KDM3A: variants seen among roughly 807,000 people sequenced by gnomAD.
KDM3A encodes lysine demethylase 3A.
Under a neutral mutation model 158.0 loss-of-function variants are expected in KDM3A, and 60 were observed. The ratio of observed to expected loss-of-function variants is 0.38; its 90% CI spans 0.31 to 0.47. KDM3A has a LOEUF of 0.47. KDM3A is among the 20% of genes least tolerant of loss of function. The pLI, the probability that KDM3A is intolerant of heterozygous loss-of-function variation, is 0.99. For missense variants in KDM3A, 1,319 were observed against 1,574.3 expected (o/e 0.84, Z 2.74); for synonymous variants, 608 against 549.3 (o/e 1.11, Z -1.49).
At chr2:86,457,874 C>T (rs1235030440) in intron 8 of KDM3A, among the ~76,000 whole-genome samples, 2 of 152,150 alleles carry the variant, frequency 1.3e-5, no homozygotes, top group Non-Finnish European at 2.9e-5. Flanking sequence ...GGTTCAGGTA[C>T]CAGATTTAAT....
rs753559236 is a variant in KDM3A at position 86,478,684 on chromosome 2, C to A, written c.2265C>A (p.Asn755Lys). 3 of 1,613,968 alleles carry A rather than the reference C, an allele frequency of 1.9e-6. No homozygotes were observed. The highest frequency in any genetic ancestry group is 2.5e-6 in the Non-Finnish European group (3 of 1,179,812). Residue 755 changes from asparagine (N) to lysine (K), a missense_variant, in exon 15 of 26, where the codon AAC becomes AAA. Around this residue, in one of 4 missense-constraint regions of KDM3A, gnomAD observed 368 missense variants for 415.8 expected, o/e 0.89. Transcript: ENST00000312912. ...WGIKANCPCS[N>K]RQFKLFSKPA... ...TAAAGGCAAACTGCCCTTGTTCAAA[C>A]AGGCAATTCAAACTCTTTTCAAAGC... is the stretch of plus-strand genomic sequence containing the variant.
rs746160047 is a variant in KDM3A, at chr2:86,449,936, G to C, written c.316G>C (p.Glu106Gln). ...TGAACGAAAGTCACCTGAAATTTCT[G>C]AACGAATTGTACAGTGGCCTGCAAT... ...LAERKSPEIS[E>Q]RIVQWPAITY... Residue 106 changes from glutamate to glutamine, a missense_variant, in exon 3 of 26, where the codon GAA becomes CAA. Physicochemically the swap from Glu to Gln is conservative, Grantham distance 29 (BLOSUM62 2). This residue lies in a region of KDM3A where 652 missense variants were observed against 627.2 expected (regional missense o/e 1.04). Coordinates refer to ENST00000312912, the MANE Select transcript of KDM3A (RefSeq NM_018433.6). 1 of 1,613,566 alleles carries C rather than the reference G, an allele frequency of 6.2e-7. No homozygotes were observed. Among genetic ancestry groups the C allele is most frequent in the South Asian group, 1.1e-5 (1 of 91,048 alleles).
chr2:86,491,552 G>C lies in KDM3A; in HGVS notation c.3885+277G>C, dbSNP rs923886841. The C allele has an allele frequency of 4.6e-5, 20 of 431,636 alleles. 1 individual carries two copies. The Admixed American group carries it at 5.5e-4, about 12-fold the overall frequency. The allele number at this position is 431,636 out of a possible 1,614,324, so 26.7% of individuals were successfully genotyped here. A position where few individuals can be genotyped will look rare whatever the true frequency, so the allele number is the denominator to read the frequency against. On this transcript the variant is annotated intron_variant, in intron 25 of 25. Transcript: ENST00000312912. ...CTGAAAATGAATAGATGTGACTTCT[G>C]ATCTTGGCCCAGCTGCCTGTCGGGG... is the stretch of plus-strand genomic sequence containing the variant.
intron 19 of KDM3A, 48 bp downstream of exon 19, chr2:86,484,206 GA>G (rs751829141): frequency 2.1e-5 from 31 of 1,472,426 alleles, no homozygotes; most frequent in Non-Finnish European, 2.8e-5. Flanking sequence ...GAAAGGAGGG[GA>G]CACAGGAATG....
intron 11 of KDM3A, among the ~76,000 whole-genome samples, chr2:86,470,679 G>GA (rs1673362160): frequency 6.6e-6 from 1 of 152,082 alleles, no homozygotes; most frequent in African/African-American, 2.4e-5. Context: ...CGAAGGTTCT[G>GA]AAAAACCACT....
Position 86,478,694 on chromosome 2 carries a change from A to G in KDM3A, c.2275A>G (p.Lys759Glu). The G allele has an allele frequency of 6.2e-7, 1 of 1,614,130 alleles. No homozygotes were observed. The highest frequency in any genetic ancestry group is 2.2e-5 in the East Asian group (1 of 44,876). ...CTGCCCTTGTTCAAACAGGCAATTC[A>G]AACTCTTTTCAAAGCCAGCCTCAAA... ...ANCPCSNRQF[K>E]LFSKPASKED... The change falls in exon 15 of 26, where the codon AAA (lysine) becomes GAA (glutamate). Residue 759 changes from lysine (K) to glutamate (E), a missense_variant. Coordinates refer to ENST00000312912, the MANE Select transcript of KDM3A (RefSeq NM_018433.6).
At chr2:86,445,504 C>CT (rs1339563244) in intron 2 of KDM3A, among the ~76,000 whole-genome samples, 2 of 152,106 alleles carry the variant, frequency 1.3e-5, no homozygotes, top group Non-Finnish European at 2.9e-5. Context: ...TTTCTTGAGT[C>CT]TAATGCCCTG....
At chr2:86,471,091 G>C (rs1019713579) in intron 11 of KDM3A, among the ~76,000 whole-genome samples, 2 of 152,042 alleles carry the variant, frequency 1.3e-5, no homozygotes, top group Non-Finnish European at 2.9e-5. Context: ...CAGGAAGGTC[G>C]CACCTGTGTC....
intron 18 of KDM3A, 42 bp downstream of exon 18, chr2:86,482,736 C>G (rs1194668226): frequency 6.3e-7 from 1 of 1,593,586 alleles, no homozygotes; most frequent in Non-Finnish European, 8.6e-7. Context: ...TCAGAACCCC[C>G]TTCTCAGTTC....
At chr2:86,461,219 C>G (rs1462512406) in intron 8 of KDM3A, among the ~76,000 whole-genome samples, 4 of 152,130 alleles carry the variant, frequency 2.6e-5, no homozygotes, top group Non-Finnish European at 5.9e-5. Flanking sequence ...GCTGTTGCCA[C>G]TGCTCTCCAA....
chr2:86,437,167 G>A (rs1028357213), upstream of KDM3A, among the ~76,000 whole-genome samples: 1 of 151,688 alleles, frequency 6.6e-6, no homozygotes. Context: ...TTGAGACAGA[G>A]TCTTGCTTCG....
intron 8 of KDM3A, among the ~76,000 whole-genome samples, chr2:86,459,718 T>C (rs575323014): frequency 1.3e-5 from 2 of 152,280 alleles, no homozygotes; most frequent in South Asian, 4.1e-4. Flanking sequence ...TAGACATATA[T>C]GATATGATCC....
In KDM3A at chr2:86,478,710, C is replaced by T; in HGVS notation, c.2291C>T (p.Pro764Leu). The change falls in exon 15 of 26, where the codon CCA (proline) becomes CTA (leucine). Residue 764 changes from proline to leucine, a missense_variant. By Grantham distance (98) the Pro-to-Leu change is moderately conservative. Transcript: ENST00000312912. ...AGGCAATTCAAACTCTTTTCAAAGC[C>T]AGCCTCAAAGGAAGACCTAAAACAG... Reference protein sequence around the residue: ...SNRQFKLFSKPASKEDLKQTS... With the variant: ...SNRQFKLFSKLASKEDLKQTS... 4 of 1,614,014 alleles carry T rather than the reference C, an allele frequency of 2.5e-6. No homozygotes were observed. The highest frequency in any genetic ancestry group is 1.7e-4 in the Middle Eastern group (1 of 6,060).
chr2:86,444,484 G>A (rs2104619098), intron 2 of KDM3A, among the ~76,000 whole-genome samples: 1 of 152,114 alleles, frequency 6.6e-6, no homozygotes, highest in East Asian at 1.9e-4. Context: ...AAAAAACCAG[G>A]ATTTTATTTT....
At chr2:86,491,303 C>G in intron 25 of KDM3A, 28 bp downstream of exon 25, 1 of 1,609,844 alleles carries the variant, frequency 6.2e-7, no homozygotes, top group Non-Finnish European at 8.5e-7. Flanking sequence ...TCCTAGCATT[C>G]TTTGGCTATG....
intron 11 of KDM3A, 67 bp downstream of exon 11, chr2:86,470,475 T>A: frequency 1.5e-6 from 2 of 1,322,154 alleles, no homozygotes; most frequent in Non-Finnish European, 2.2e-6. Flanking sequence ...TCTGGCATAC[T>A]TTTGTTACTC....
rs1036551109 is a variant in KDM3A, at chr2:86,441,930, G to C, written c.-30-88G>C. 5 of 1,077,960 alleles carry C rather than the reference G, an allele frequency of 4.6e-6. No individual in the cohort carries two copies. In the Admixed American group the frequency reaches 7.2e-5, roughly 15 times the overall value. The allele number at this position is 1,077,960 out of a possible 1,614,324, so 66.8% of individuals were successfully genotyped here. ...CGGGGCCGCGTCCTCGCGCGGGTTCGGCGCCCTCCGCCCGCCCTCCCTGCT... is the reference window on the plus strand; with the variant it reads ...CGGGGCCGCGTCCTCGCGCGGGTTCCGCGCCCTCCGCCCGCCCTCCCTGCT... On this transcript the variant is annotated intron_variant, in intron 1 of 25. Transcript: ENST00000312912.
At chr2:86,472,459 A>G (rs1456791056) in intron 11 of KDM3A, among the ~76,000 whole-genome samples, 1 of 152,146 alleles carries the variant, frequency 6.6e-6, no homozygotes, top group Non-Finnish European at 1.5e-5. Flanking sequence ...GTAGGGTCTC[A>G]GTGGTAAGGC....
chr2:86,442,027 C>A lies in KDM3A; in HGVS notation c.-21C>A. 4 of 1,610,862 alleles carry A rather than the reference C, an allele frequency of 2.5e-6. No individual in the cohort carries two copies. In the South Asian group the frequency reaches 3.3e-5, roughly 13 times the overall value. On this transcript the variant is annotated 5_prime_UTR_variant, in exon 2 of 26. Transcript: ENST00000312912. ...TTTTGTGTTTTTGCAGGGAGGAGCT[C>A]TTCCTGCAGGCGTGGAAACCATGGT...
Sources: gnomAD v4.1 joint callset for allele counts (sites outside exome capture counted in the v4.1 genomes callset) on GRCh38, gnomAD v4.1.1 for gene constraint, gnomAD v4.1.1 regional missense constraint, MANE v1.5 for transcripts, NCBI Gene and HGNC (gene_info 2026-07-23, HGNC 2026-07-21) for gene names.